Variants in LHFPL6 observed in about 807,000 individuals in gnomAD.
LHFPL6 encodes LHFPL tetraspan subfamily member 6, also known as LHFPL tetraspan subfamily member 6 protein.
Under a neutral mutation model 20.6 loss-of-function variants are expected in LHFPL6, and 9 were observed. The observed-to-expected ratio is 0.44, with a 90% confidence interval of 0.26 to 0.76. The LOEUF is 0.76. Among genes scored for constraint, LHFPL6 ranks in the 30% least tolerant of loss-of-function variants. The pLI is 0.20. For synonymous variants in LHFPL6, 105 were observed against 98.7 expected (o/e 1.06, Z -0.38); for missense variants, 218 against 253.5 (o/e 0.86, Z 0.95).
At chr13:39,524,518 G>A (rs1254453646) in intron 2 of LHFPL6, among the ~76,000 whole-genome samples, 1 of 152,204 alleles carries the variant, frequency 6.6e-6, no homozygotes, top group Admixed American at 6.5e-5. Context: ...AAAGAGAAGG[G>A]AACAAGGTCT....
At chr13:39,551,906 GT>G (rs1371801738) in intron 2 of LHFPL6, among the ~76,000 whole-genome samples, 1 of 152,034 alleles carries the variant, frequency 6.6e-6, no homozygotes, top group Non-Finnish European at 1.5e-5. Flanking sequence ...ATATTTTTAG[GT>G]TTTCAGTTAC....
At chr13:39,571,339 T>A (rs1196763067) in intron 2 of LHFPL6, among the ~76,000 whole-genome samples, 1 of 152,210 alleles carries the variant, frequency 6.6e-6, no homozygotes, top group Non-Finnish European at 1.5e-5. Flanking sequence ...TACATATCCC[T>A]ACCCTTTCCT....
chr13:39,386,964 A>ATT (rs1191884698), intron 2 of LHFPL6, among the ~76,000 whole-genome samples: 1 of 152,098 alleles, frequency 6.6e-6, no homozygotes, highest in Non-Finnish European at 1.5e-5. Flanking sequence ...GCCTCAACAC[A>ATT]TTGCCTTTCC....
At chr13:39,588,683 C>T (rs1025429002) in intron 2 of LHFPL6, among the ~76,000 whole-genome samples, 11 of 152,152 alleles carry the variant, frequency 7.2e-5, no homozygotes, top group Non-Finnish European at 1.5e-4. Flanking sequence ...ACATTGGTAG[C>T]ATTACTTCCT....
At chr13:39,427,709 G>C (rs1272390910) in intron 2 of LHFPL6, among the ~76,000 whole-genome samples, 1 of 152,056 alleles carries the variant, frequency 6.6e-6, no homozygotes, top group Non-Finnish European at 1.5e-5. Flanking sequence ...TTGGCACTAG[G>C]GTTCATGAGT....
rs1369108628 is a variant in LHFPL6 at position 39,343,369 on chromosome 13, C to T, written c.*567G>A. 2 of 230,116 alleles carry T rather than the reference C, an allele frequency of 8.7e-6. No individual in the cohort carries two copies. The highest frequency in any genetic ancestry group is 1.2e-4 in the East Asian group (2 of 16,166). 14.3% of individuals were successfully genotyped at this position (230,116 alleles called of 1,614,324 possible). A position where few individuals can be genotyped will look rare whatever the true frequency, so the allele number is the denominator to read the frequency against. On this transcript the variant is annotated 3_prime_UTR_variant, in exon 4 of 4. Coordinates refer to ENST00000379589, the MANE Select transcript of LHFPL6 (RefSeq NM_005780.3). ...AAAAGAAAACAGAGGAGAAATGCAC[C>T]ACTAAACCTCCCAGTCTGTGCGATA...
At position 39,507,735 on chromosome 13, in the gene LHFPL6, CTGAG is replaced by C. The variant is rs202051884; in HGVS notation, c.385+93093_385+93096del. Among the ~76,000 whole-genome samples the C allele has an allele frequency of 6.2e-3, 950 of 152,180 alleles. 5 individuals carry two copies. The highest frequency in any genetic ancestry group is 0.012 in the Non-Finnish European group (798 of 68,006). On this transcript the variant is annotated intron_variant, in intron 2 of 3. Transcript: ENST00000379589. ...AGAAAAATAGTTTTACCTACAGTAT[CTGAG>C]TATGTGGTAGATATTATTAACTTCA...
intron 2 of LHFPL6, among the ~76,000 whole-genome samples, chr13:39,510,536 G>C (rs1852731868): frequency 6.6e-6 from 1 of 152,210 alleles, no homozygotes; most frequent in Non-Finnish European, 1.5e-5. Context: ...GCAGATGCCT[G>C]AGAAACTATA....
At chr13:39,473,409 T>C (rs2138438645) in intron 2 of LHFPL6, among the ~76,000 whole-genome samples, 1 of 151,348 alleles carries the variant, frequency 6.6e-6, no homozygotes, top group Non-Finnish European at 1.5e-5. Flanking sequence ...TGAGATATAT[T>C]TTATAAAATA....
rs1869256435 is a variant in LHFPL6, at chr13:39,500,519, T to C, written c.385+100313A>G. ...CCTCCCACCTCCCAGACTCCCAAAGTTCTGGCATTATAGGCATAAGCCACC... is the reference window on the plus strand; with the variant it reads ...CCTCCCACCTCCCAGACTCCCAAAGCTCTGGCATTATAGGCATAAGCCACC... On this transcript the variant is annotated intron_variant, in intron 2 of 3. Coordinates refer to ENST00000379589, the MANE Select transcript of LHFPL6 (RefSeq NM_005780.3). Among the ~76,000 whole-genome samples the C allele has an allele frequency of 1.3e-5, 2 of 152,112 alleles. 1 individual carries two copies. Among genetic ancestry groups the C allele is most frequent in the South Asian group, 4.1e-4 (2 of 4,822 alleles).
intron 2 of LHFPL6, among the ~76,000 whole-genome samples, chr13:39,571,630 G>T (rs949635727): frequency 6.6e-6 from 1 of 152,034 alleles, no homozygotes; most frequent in Non-Finnish European, 1.5e-5. Flanking sequence ...CACTGATTGC[G>T]GGTATCCAGT....
chr13:39,443,834 T>C lies in LHFPL6; in HGVS notation c.386-65308A>G, dbSNP rs111394584. The stretch of plus-strand genomic sequence containing the variant: ...CTGTTTTTCACTTTCAATATAGCAT[T>C]CAATAAGTTACATGAGATATTCCAT... On this transcript the variant is annotated intron_variant, in intron 2 of 3. Coordinates refer to ENST00000379589, the MANE Select transcript of LHFPL6 (RefSeq NM_005780.3). Among the ~76,000 whole-genome samples, 339 of 151,624 alleles carry C rather than the reference T, an allele frequency of 2.2e-3. 1 individual carries two copies. Among genetic ancestry groups the C allele is most frequent in the African/African-American group, 7.5e-3 (308 of 41,280 alleles).
intron 2 of LHFPL6, among the ~76,000 whole-genome samples, chr13:39,467,168 A>G (rs1335909599): frequency 6.6e-6 from 1 of 151,994 alleles, no homozygotes; most frequent in Non-Finnish European, 1.5e-5. Flanking sequence ...GCCGTTATTC[A>G]TCTGTTCCCC....
At chr13:39,592,091 C>T (rs900406396) in intron 2 of LHFPL6, among the ~76,000 whole-genome samples, 8 of 149,652 alleles carry the variant, frequency 5.3e-5, no homozygotes, top group African/African-American at 9.9e-5. Flanking sequence ...AGCAAAACTC[C>T]GTCTCAAAAA....
At chr13:39,470,626 A>C (rs1162093548) in intron 2 of LHFPL6, among the ~76,000 whole-genome samples, 2 of 152,202 alleles carry the variant, frequency 1.3e-5, no homozygotes, top group African/African-American at 4.8e-5. Flanking sequence ...CCCATAAATT[A>C]ATCTTCCATA....
chr13:39,391,891 T>A (rs1471924211), intron 2 of LHFPL6, among the ~76,000 whole-genome samples: 1 of 152,212 alleles, frequency 6.6e-6, no homozygotes, highest in African/African-American at 2.4e-5. Flanking sequence ...AGTAAAACCA[T>A]CTGGAATAGC....
At chr13:39,504,322 T>C (rs1010867225) in intron 2 of LHFPL6, among the ~76,000 whole-genome samples, 2 of 152,226 alleles carry the variant, frequency 1.3e-5, no homozygotes, top group Non-Finnish European at 2.9e-5. Context: ...CAAATATTTG[T>C]AGTTATATCT....
intron 2 of LHFPL6, among the ~76,000 whole-genome samples, chr13:39,546,327 A>T (rs754036628): frequency 3.9e-5 from 6 of 152,152 alleles, no homozygotes; most frequent in South Asian, 2.1e-4. Context: ...TCCTTTATAA[A>T]AATGTAGATT....
chr13:39,465,170 A>G (rs965436288), intron 2 of LHFPL6, among the ~76,000 whole-genome samples: 1 of 152,206 alleles, frequency 6.6e-6, no homozygotes, highest in African/African-American at 2.4e-5. Context: ...GAAATCAGAA[A>G]CCACAAAGAG....
Sources: gnomAD v4.1 joint callset for allele counts (sites outside exome capture counted in the v4.1 genomes callset) on GRCh38, gnomAD v4.1.1 for gene constraint, MANE v1.5 for transcripts, NCBI Gene and HGNC (gene_info 2026-07-23, HGNC 2026-07-21) for gene names.